Variants in OR2V1 observed in about 807,000 individuals in gnomAD.
OR2V1 encodes the protein olfactory receptor family 2 subfamily V member 1.
A neutral mutation model predicts 15.0 loss-of-function variants in OR2V1; 18 were observed. That is an observed-to-expected ratio of 1.20 (90% CI 0.83 to 1.78). The LOEUF (loss-of-function observed/expected upper bound fraction) is 1.78, where lower values mean the gene tolerates loss of function less well. Among genes scored for constraint, OR2V1 ranks in the 40% most tolerant of loss-of-function variants. The pLI, the probability that OR2V1 is intolerant of heterozygous loss-of-function variation, is 0.00. For synonymous variants in OR2V1, 144 were observed against 146.1 expected (o/e 0.99, Z 0.10); for missense variants, 359 against 392.9 (o/e 0.91, Z 0.73).
chr5:181,124,718 A>C lies in OR2V1; in HGVS notation c.587T>G (p.Phe196Cys), dbSNP rs772999544. ...ACAGCAAGCAAAGAGGAGGGTGTCAAAAAGGGAAGTGTCTGCACAGGCCAG... is the reference window on the plus strand; with the variant it reads ...ACAGCAAGCAAAGAGGAGGGTGTCACAAAGGGAAGTGTCTGCACAGGCCAG... ...LKLACADTSL[F>C]DTLLFACCVF... Residue 196 changes from phenylalanine to cysteine, a missense_variant, in exon 4 of 4, where the codon TTT becomes TGT. Coordinates refer to ENST00000641551, the MANE Select transcript of OR2V1 (RefSeq NM_001258283.2). 7 of 1,611,672 alleles carry C rather than the reference A, an allele frequency of 4.3e-6. No homozygotes were observed. Among genetic ancestry groups the C allele is most frequent in the Admixed American group, 3.3e-5 (2 of 59,992 alleles).
In OR2V1 at chr5:181,124,352, G is replaced by A. The variant is rs748902006; in HGVS notation, c.*5C>T. ...AGGGGCACAGCAGGCACCAGACTCTGGGGTTCAGTGCTGGCTGCCAATCCT... is the reference window on the plus strand; with the variant it reads ...AGGGGCACAGCAGGCACCAGACTCTAGGGTTCAGTGCTGGCTGCCAATCCT... On this transcript the variant is annotated 3_prime_UTR_variant, in exon 4 of 4. Coordinates refer to ENST00000641551, the MANE Select transcript of OR2V1 (RefSeq NM_001258283.2). The A allele has an allele frequency of 2.6e-6, 4 of 1,552,350 alleles. No homozygotes were observed.
intron 3 of OR2V1, among the ~76,000 whole-genome samples, chr5:181,128,192 T>TCACA (rs34343246): frequency 2.6e-3 from 108 of 41,420 alleles, no homozygotes; most frequent in Admixed American, 3.7e-3. Flanking sequence ...TGTCCTCTCC[T>TCACA]CACACACACA....
intron 3 of OR2V1, among the ~76,000 whole-genome samples, chr5:181,127,913 C>G (rs543776352): frequency 3.3e-5 from 5 of 151,962 alleles, no homozygotes; most frequent in East Asian, 3.9e-4. Flanking sequence ...CCCACTCCCC[C>G]CTCCCCCAGT....
Position 181,124,787 on chromosome 5 carries a change from C to G in OR2V1, c.518G>C (p.Arg173Thr), listed in dbSNP as rs747374946. The G allele has an allele frequency of 6.3e-7, 1 of 1,596,912 alleles. No individual in the cohort carries two copies. Among genetic ancestry groups the G allele is most frequent in the East Asian group, 2.2e-5 (1 of 44,484 alleles). Residue 173 changes from arginine to threonine, a missense_variant, in exon 4 of 4, where the codon AGG becomes ACG. Coordinates refer to ENST00000641551, the MANE Select transcript of OR2V1 (RefSeq NM_001258283.2). Reference protein sequence around the residue: ...AAMGLPYCGSRSVDHFFCEVQ... With the variant: ...AAMGLPYCGSTSVDHFFCEVQ... ...CTCACAGAAAAAGTGATCCACGCTC[C>G]TTGAGCCACAGTAAGGTAAGCCCAT...
At position 181,124,769 on chromosome 5, in the gene OR2V1, A is replaced by C. The variant is rs1191282919; in HGVS notation, c.536T>G (p.Phe179Cys). 5 of 1,602,778 alleles carry C rather than the reference A, an allele frequency of 3.1e-6. No individual in the cohort carries two copies. In the African/African-American group the frequency reaches 6.7e-5, roughly 21 times the overall value. Residue 179 changes from phenylalanine (F) to cysteine (C), a missense_variant, in exon 4 of 4, where the codon TTC (phenylalanine) becomes TGC (cysteine). Coordinates refer to ENST00000641551, the MANE Select transcript of OR2V1 (RefSeq NM_001258283.2). ...CTTCAATAAAGCTTGTACCTCACAG[A>C]AAAAGTGATCCACGCTCCTTGAGCC... ...YCGSRSVDHF[F>C]CEVQALLKLA... is the part of the protein sequence containing the mutation.
At position 181,124,885 on chromosome 5, in the gene OR2V1, C is replaced by A; in HGVS notation, c.420G>T (p.Arg140Ser). ...PLHYPILMNQ[R>S]VCLQITGSSW... ...AGCTCCCAGTAATCTGGAGACAGAC[C>A]CTCTGATTCATGAGGATGGGATAGT... Residue 140 changes from arginine to serine, a missense_variant, in exon 4 of 4, where the codon AGG becomes AGT. By Grantham distance (110) the Arg-to-Ser change is moderately radical (BLOSUM62 -1). Transcript: ENST00000641551. The A allele has an allele frequency of 6.2e-7, 1 of 1,612,518 alleles. No individual in the cohort carries two copies.
intron 3 of OR2V1, among the ~76,000 whole-genome samples, 188 bp from the exon 4 acceptor site, chr5:181,125,513 G>T (rs1762862214): frequency 6.6e-6 from 1 of 152,236 alleles, no homozygotes. Context: ...CATACCCAGA[G>T]AGTGGACATA....
intron 3 of OR2V1, among the ~76,000 whole-genome samples, chr5:181,127,084 C>T (rs977256964): frequency 6.6e-6 from 1 of 152,224 alleles, no homozygotes; most frequent in Non-Finnish European, 1.5e-5. Flanking sequence ...TTCCTGCTGC[C>T]GTTTCTCCAC....
intron 3 of OR2V1, among the ~76,000 whole-genome samples, chr5:181,127,037 G>A (rs371959493): frequency 1.4e-4 from 21 of 152,314 alleles, no homozygotes; most frequent in African/African-American, 4.3e-4. Flanking sequence ...CGTGGAAGCC[G>A]GATGAAAACG....
intron 1 of OR2V1, chr5:181,130,445 G>A (rs371613583): frequency 6.9e-5 from 27 of 389,000 alleles, no homozygotes; most frequent in African/African-American, 4.5e-4. Context: ...CAGGCTCAGG[G>A]AAGGAGCTGG....
chr5:181,127,447 C>T (rs1017011126), intron 3 of OR2V1, among the ~76,000 whole-genome samples: 3 of 152,166 alleles, frequency 2.0e-5, no homozygotes, highest in East Asian at 1.9e-4. Flanking sequence ...CACACATGGG[C>T]GGCTGTTTAT....
Position 181,124,632 on chromosome 5 carries a change from C to T in OR2V1, c.673G>A (p.Ala225Thr). 1 of 1,613,662 alleles carries T rather than the reference C, an allele frequency of 6.2e-7. No homozygotes were observed. Among genetic ancestry groups the T allele is most frequent in the East Asian group, 2.2e-5 (1 of 44,882 alleles). The change falls in exon 4 of 4, where the codon GCT (alanine) becomes ACT (threonine). Residue 225 changes from alanine to threonine, a missense_variant. Transcript: ENST00000641551. ...IMASYACILGAVLRIRSAQAW... is the reference protein window; with the variant it reads ...IMASYACILGTVLRIRSAQAW... ...TGAGCAGAGCGTATTCGGAGCACAG[C>T]CCCTAGGATGCAAGCATAGGAGGCC...
At chr5:181,130,054 G>A (rs1762940740) in intron 2 of OR2V1, 119 bp downstream of exon 2, 1 of 397,692 alleles carries the variant, frequency 2.5e-6, no homozygotes, top group Non-Finnish European at 4.4e-6. Context: ...CCTGATGGAG[G>A]CAGACAGCAG....
At position 181,124,160 on chromosome 5, in the gene OR2V1, A is replaced by G; in HGVS notation, c.*197T>C. The G allele has an allele frequency of 2.2e-6, 1 of 458,170 alleles. No homozygotes were observed. 28.4% of individuals were successfully genotyped at this position (458,170 alleles called of 1,614,324 possible). A position where few individuals can be genotyped will look rare whatever the true frequency, so the allele number is the denominator to read the frequency against. Reference sequence around the variant, plus strand: ...TGATCTTTACAAAATCCCTCAGAGCACGAGTGTCCTGATTATCTTTTTTTC... The same window carrying G: ...TGATCTTTACAAAATCCCTCAGAGCGCGAGTGTCCTGATTATCTTTTTTTC... On this transcript the variant is annotated 3_prime_UTR_variant, in exon 4 of 4. Coordinates refer to ENST00000641551, the MANE Select transcript of OR2V1 (RefSeq NM_001258283.2).
rs758950381 is a variant in OR2V1, at chr5:181,124,467, T to C, written c.838A>G (p.Thr280Ala). Residue 280 changes from threonine to alanine, a missense_variant, in exon 4 of 4, where the codon ACA (threonine) becomes GCA (alanine). Transcript: ENST00000641551. ...SHDKVASIFYTVLTPMLNPLI... is the reference protein window; with the variant it reads ...SHDKVASIFYAVLTPMLNPLI... ...GGGTTCAGCATGGGAGTAAGGACTG[T>C]GTAGAAGATAGAGGCCACCTTGTCA... The C allele has an allele frequency of 6.2e-7, 1 of 1,613,760 alleles. No homozygotes were observed. Among genetic ancestry groups the C allele is most frequent in the South Asian group, 1.1e-5 (1 of 91,052 alleles).
In OR2V1 at chr5:181,124,880, C is replaced by G. The variant is rs763299532; in HGVS notation, c.425G>C (p.Cys142Ser). 1 of 1,612,006 alleles carries G rather than the reference C, an allele frequency of 6.2e-7. No homozygotes were observed. The highest frequency in any genetic ancestry group is 2.2e-5 in the East Asian group (1 of 44,836). ...CCAGGAGCTCCCAGTAATCTGGAGACAGACCCTCTGATTCATGAGGATGGG... is the reference window on the plus strand; with the variant it reads ...CCAGGAGCTCCCAGTAATCTGGAGAGAGACCCTCTGATTCATGAGGATGGG... ...HYPILMNQRV[C>S]LQITGSSWAF... is the part of the protein sequence containing the mutation. Residue 142 changes from cysteine (C) to serine (S), a missense_variant, in exon 4 of 4, where the codon TGT (cysteine) becomes TCT (serine). Physicochemically the swap from Cys to Ser is moderately radical, Grantham distance 112 (BLOSUM62 -1). Coordinates refer to ENST00000641551, the MANE Select transcript of OR2V1 (RefSeq NM_001258283.2).
intron 3 of OR2V1, among the ~76,000 whole-genome samples, chr5:181,128,524 G>A (rs965719907): frequency 2.0e-5 from 3 of 152,144 alleles, no homozygotes; most frequent in Admixed American, 6.5e-5. Flanking sequence ...CCACTCTCCC[G>A]GGATTCCCTC....
intron 3 of OR2V1, among the ~76,000 whole-genome samples, chr5:181,127,291 A>G (rs1289756375): frequency 2.0e-5 from 3 of 152,278 alleles, no homozygotes; most frequent in Non-Finnish European, 2.9e-5. Flanking sequence ...TGTGGCTGCA[A>G]TTTCCATTTT....
At chr5:181,127,877 A>C (rs1762899633) in intron 3 of OR2V1, among the ~76,000 whole-genome samples, 1 of 151,602 alleles carries the variant, frequency 6.6e-6, no homozygotes, top group African/African-American at 2.4e-5. Flanking sequence ...GGCACCAGCC[A>C]CAGGCACCTC....
Sources: allele counts gnomAD v4.1 joint callset (sites outside exome capture counted in the v4.1 genomes callset), GRCh38; gene constraint gnomAD v4.1.1; transcripts MANE v1.5; gene names NCBI Gene and HGNC (gene_info 2026-07-23, HGNC 2026-07-21).